The following BMPR1B variants were observed in gnomAD, a reference collection of about 807,000 sequenced individuals.
BMPR1B encodes bone morphogenetic protein receptor type 1B.
BMPR1B carries 12 observed loss-of-function variants against 59.1 expected under a neutral mutation model. The ratio of observed to expected loss-of-function variants is 0.20; its 90% CI spans 0.13 to 0.33. The LOEUF (loss-of-function observed/expected upper bound fraction) is 0.33, where lower values mean the gene tolerates loss of function less well. BMPR1B is among the 10% of genes least tolerant of loss of function. The pLI, the probability that BMPR1B is intolerant of heterozygous loss-of-function variation, is 1.00. For synonymous variants in BMPR1B, 237 were observed against 207.3 expected (o/e 1.14, Z -1.23); for missense variants, 550 against 610.9 (o/e 0.90, Z 1.05).
intron 1 of BMPR1B, among the ~76,000 whole-genome samples, chr4:94,828,067 G>A (rs1434411228): frequency 1.3e-5 from 2 of 152,176 alleles, no homozygotes; most frequent in Non-Finnish European, 2.9e-5. Flanking sequence ...TATACGTAAA[G>A]TGTTTCATTC....
Position 95,155,486 on chromosome 4 carries a change from T to A in BMPR1B, c.*813T>A, listed in dbSNP as rs1735356119. 8.6e-5 allele frequency: 3 copies of A among 34,926 alleles called. No individual in the cohort carries two copies. The highest frequency in any genetic ancestry group is 9.6e-4 in the South Asian group (1 of 1,044). The allele number at this position is 34,926 out of a possible 1,614,324, so 2.2% of individuals were successfully genotyped here. A position where few individuals can be genotyped will look rare whatever the true frequency, so the allele number is the denominator to read the frequency against. The stretch of plus-strand genomic sequence containing the variant: ...AAACACAAAGAAAGCTTTTTTTTTT[T>A]TTTTTTTTTTTTTTTTTTTTTAATG... On this transcript the variant is annotated 3_prime_UTR_variant, in exon 13 of 13. Transcript: ENST00000515059.
intron 1 of BMPR1B, among the ~76,000 whole-genome samples, chr4:94,819,664 A>G (rs969969034): frequency 6.6e-6 from 1 of 152,182 alleles, no homozygotes; most frequent in African/African-American, 2.4e-5. Flanking sequence ...TCCTTCACAC[A>G]TATAACATTG....
intron 2 of BMPR1B, among the ~76,000 whole-genome samples, chr4:94,941,084 C>T (rs1729491924): frequency 6.6e-6 from 1 of 152,080 alleles, no homozygotes; most frequent in Non-Finnish European, 1.5e-5. Context: ...CATGTGCCTT[C>T]TACAATTTAG....
chr4:94,799,984 C>T (rs1277235680), intron 1 of BMPR1B, among the ~76,000 whole-genome samples: 1 of 152,104 alleles, frequency 6.6e-6, no homozygotes, highest in East Asian at 1.9e-4. Context: ...GCCACTGTGC[C>T]CAGCTTCAGT....
intron 8 of BMPR1B, among the ~76,000 whole-genome samples, chr4:95,126,851 A>G (rs1732942707): frequency 6.6e-6 from 1 of 152,158 alleles, no homozygotes; most frequent in South Asian, 2.1e-4. Flanking sequence ...TCATCTTAAC[A>G]TTGATTTGTT....
chr4:95,138,226 A>G (rs1039155194), intron 10 of BMPR1B, among the ~76,000 whole-genome samples: 5 of 152,192 alleles, frequency 3.3e-5, no homozygotes, highest in African/African-American at 1.2e-4. Context: ...AGAATGTTGA[A>G]TATTGGCCCC....
chr4:94,894,334 T>C (rs1727506844), intron 2 of BMPR1B, among the ~76,000 whole-genome samples: 1 of 152,016 alleles, frequency 6.6e-6, no homozygotes, highest in Admixed American at 6.6e-5. Context: ...TTGAATAGTT[T>C]CTCCAATATA....
intron 3 of BMPR1B, among the ~76,000 whole-genome samples, chr4:95,030,533 G>A (rs971877390): frequency 2.6e-5 from 4 of 151,998 alleles, no homozygotes; most frequent in Non-Finnish European, 4.4e-5. Context: ...AATTAGGCAG[G>A]AGAAGGAAAT....
intron 1 of BMPR1B, among the ~76,000 whole-genome samples, chr4:94,825,900 T>C (rs939260919): frequency 2.6e-5 from 4 of 152,180 alleles, no homozygotes; most frequent in Non-Finnish European, 5.9e-5. Context: ...ACAAAGGATA[T>C]TTTTTCTGTT....
At chr4:95,138,910 T>G (rs899540312) in intron 10 of BMPR1B, among the ~76,000 whole-genome samples, 8 of 152,232 alleles carry the variant, frequency 5.3e-5, no homozygotes, top group Non-Finnish European at 1.2e-4. Flanking sequence ...CCTTCTTCTC[T>G]CAACTCGTCA....
intron 2 of BMPR1B, among the ~76,000 whole-genome samples, chr4:94,890,321 C>T (rs1159853432): frequency 1.3e-5 from 2 of 152,032 alleles, no homozygotes; most frequent in South Asian, 2.1e-4. Flanking sequence ...CCCTCTCCCC[C>T]AAAGCTTATT....
intron 3 of BMPR1B, among the ~76,000 whole-genome samples, chr4:95,090,467 G>A (rs1416007484): frequency 6.6e-6 from 1 of 151,916 alleles, no homozygotes; most frequent in East Asian, 1.9e-4. Context: ...TAGCTTGGAG[G>A]AACATGATTT....
At chr4:94,796,036 C>T (rs189747753) in intron 1 of BMPR1B, among the ~76,000 whole-genome samples, 188 of 151,724 alleles carry the variant, frequency 1.2e-3, no homozygotes, top group Non-Finnish European at 2.1e-3. Context: ...GCAATCTCGG[C>T]TTACTGCAAC....
chr4:95,135,535 C>T (rs1385202115), intron 10 of BMPR1B, among the ~76,000 whole-genome samples: 2 of 152,128 alleles, frequency 1.3e-5, no homozygotes, highest in Admixed American at 6.5e-5. Flanking sequence ...TCTTTTATTT[C>T]ATTGAGCAGT....
At chr4:94,981,003 A>ACGCGCGCGTACGCGCG (rs141994255) in intron 2 of BMPR1B, among the ~76,000 whole-genome samples, 8 of 90,784 alleles carry the variant, frequency 8.8e-5, no homozygotes, top group South Asian at 3.9e-4. Flanking sequence ...ACACACACAC[A>ACGCGCGCGTACGCGCG]CACACACACA....
In BMPR1B at chr4:94,912,624, C is replaced by A. The variant is rs138204222; in HGVS notation, c.-113+36724C>A. Among the ~76,000 whole-genome samples the A allele has an allele frequency of 3.0e-3, 452 of 152,224 alleles. 5 individuals are homozygous for A. Among genetic ancestry groups the A allele is most frequent in the Non-Finnish European group, 4.4e-3 (301 of 68,020 alleles). ...AAGGAAGATGGGAAATGTGGTCTTT[C>A]CGAACAACAGTTCAGCTCTATAGAA... On this transcript the variant is annotated intron_variant, in intron 2 of 12. Transcript: ENST00000515059.
At chr4:94,901,473 T>C (rs1727807303) in intron 2 of BMPR1B, among the ~76,000 whole-genome samples, 1 of 151,962 alleles carries the variant, frequency 6.6e-6, no homozygotes, top group South Asian at 2.1e-4. Flanking sequence ...TGGCAGTTTA[T>C]TACTGCTGGC....
At chr4:94,975,365 T>TTTTG (rs1553923295) in intron 2 of BMPR1B, among the ~76,000 whole-genome samples, 17 of 127,706 alleles carry the variant, frequency 1.3e-4, no homozygotes, top group Admixed American at 6.0e-4. Flanking sequence ...TTGTTTTTGT[T>TTTTG]TTTTTTTTTT....
intron 1 of BMPR1B, among the ~76,000 whole-genome samples, chr4:94,770,182 G>GTTTTTT (rs1215939344): frequency 0.067 from 2,557 of 38,028 alleles, 313 homozygotes; most frequent in Non-Finnish European, 0.078. Context: ...TCGTTTCTGT[G>GTTTTTT]TTTGTTTTTT....
Sources: gnomAD v4.1 joint callset for allele counts (sites outside exome capture counted in the v4.1 genomes callset) on GRCh38, gnomAD v4.1.1 for gene constraint, MANE v1.5 for transcripts, NCBI Gene and HGNC (gene_info 2026-07-23, HGNC 2026-07-21) for gene names.